ITPR1: variants seen among roughly 807,000 people sequenced by gnomAD.
The protein encoded by ITPR1 is inositol 1,4,5-trisphosphate-gated calcium channel ITPR1.
Under a neutral mutation model 318.4 loss-of-function variants are expected in ITPR1, and 96 were observed. That is an observed-to-expected ratio of 0.30 (90% CI 0.26 to 0.36). ITPR1 has a LOEUF of 0.36. Among genes scored for constraint, ITPR1 ranks in the 10% least tolerant of loss-of-function variants. The pLI is 1.00. For synonymous variants in ITPR1, 1,312 were observed against 1,289.9 expected, an observed-to-expected ratio of 1.02 and a Z score of -0.37; for missense variants, 2,440 against 3,460.2, an observed-to-expected ratio of 0.71 and a Z score of 7.40.
chr3:4,627,508 C>T (rs1244147420), intron 4 of ITPR1, among the ~76,000 whole-genome samples: 3 of 152,076 alleles, frequency 2.0e-5, no homozygotes, highest in Admixed American at 1.3e-4. Context: ...AAACACAAAA[C>T]ACTGAATTTG....
intron 24 of ITPR1, 24 bp downstream of exon 24, chr3:4,676,825 T>C: frequency 6.3e-7 from 1 of 1,583,980 alleles, no homozygotes; most frequent in Non-Finnish European, 8.6e-7. Flanking sequence ...GGAGCTGGGG[T>C]AGGGAGGGTA....
At chr3:4,657,704 T>A (rs963846783) in intron 12 of ITPR1, among the ~76,000 whole-genome samples, 2 of 12,310 alleles carry the variant, frequency 1.6e-4, no homozygotes, top group Non-Finnish European at 2.7e-4. Context: ...ACTGAGGTGA[T>A]CTGCCTGCCT....
At chr3:4,634,611 G>T (rs1553658456) in intron 5 of ITPR1, among the ~76,000 whole-genome samples, 3 of 151,918 alleles carry the variant, frequency 2.0e-5, no homozygotes, top group Admixed American at 6.6e-5. Context: ...CTGTGAGTAG[G>T]AAAAGCAAAA....
chr3:4,795,954 A>G (rs1447375474), intron 53 of ITPR1, among the ~76,000 whole-genome samples: 1 of 152,144 alleles, frequency 6.6e-6, no homozygotes, highest in Admixed American at 6.5e-5. Context: ...CTCCCGGCTA[A>G]ATTTTTCATC....
intron 11 of ITPR1, among the ~76,000 whole-genome samples, chr3:4,652,520 C>T (rs370860376): frequency 6.6e-6 from 1 of 152,146 alleles, no homozygotes; most frequent in African/African-American, 2.4e-5. Flanking sequence ...ACCCTCCCCA[C>T]GTCTTGTCTA....
At chr3:4,634,733 T>C (rs930294102) in intron 5 of ITPR1, among the ~76,000 whole-genome samples, 2 of 152,174 alleles carry the variant, frequency 1.3e-5, no homozygotes, top group Non-Finnish European at 2.9e-5. Context: ...GTCTCCACAT[T>C]TTAAAGTATC....
At chr3:4,536,279 T>C (rs2124963785) in intron 4 of ITPR1, among the ~76,000 whole-genome samples, 1 of 152,260 alleles carries the variant, frequency 6.6e-6, no homozygotes, top group East Asian at 1.9e-4. Context: ...ATTTCAGTTT[T>C]ATGATTTCAG....
chr3:4,616,503 T>C (rs1181246487), intron 4 of ITPR1, among the ~76,000 whole-genome samples: 1 of 152,224 alleles, frequency 6.6e-6, no homozygotes, highest in Non-Finnish European at 1.5e-5. Context: ...GGAAAAGATA[T>C]GAATGCTGAA....
Position 4,665,182 on chromosome 3 carries a change from C to T in ITPR1, c.1599C>T (p.Gly533=), listed in dbSNP as rs756138441. 16 of 1,613,994 alleles carry T rather than the reference C, an allele frequency of 9.9e-6. No individual in the cohort carries two copies. The East Asian group carries it at 3.3e-4, about 34-fold the overall frequency. The stretch of plus-strand genomic sequence containing the variant: ...CCCCATTCACAGACTGCGGTGATGG[C>T]CCAATGCTTCGGCTGGAAGAGCTCG... The part of the protein sequence containing the change: ...LQAPFTDCGD[G]PMLRLEELGD... Residue 533 remains glycine (G), a synonymous_variant, in exon 17 of 62, where the codon GGC becomes GGT. Coordinates refer to ENST00000649015, the MANE Select transcript of ITPR1 (RefSeq NM_001378452.1).
intron 11 of ITPR1, among the ~76,000 whole-genome samples, chr3:4,653,073 C>G (rs2093632446): frequency 6.6e-6 from 1 of 152,166 alleles, no homozygotes; most frequent in Non-Finnish European, 1.5e-5. Context: ...ATTTTTGTAT[C>G]AAATGAAGCA....
At chr3:4,592,799 C>T (rs368043623) in intron 4 of ITPR1, among the ~76,000 whole-genome samples, 6 of 152,188 alleles carry the variant, frequency 3.9e-5, no homozygotes, top group East Asian at 1.9e-4. Flanking sequence ...GAGGTCTTAG[C>T]ACTTAGATGC....
At chr3:4,580,743 G>A (rs1008781278) in intron 4 of ITPR1, among the ~76,000 whole-genome samples, 1 of 152,168 alleles carries the variant, frequency 6.6e-6, no homozygotes, top group Non-Finnish European at 1.5e-5. Context: ...TGAGCAAGCC[G>A]CAGAGGCTGT....
In ITPR1 at chr3:4,813,150, G is replaced by A. The variant is rs775129963; in HGVS notation, c.7477G>A (p.Glu2493Lys). ...PNETAVPETG[E>K]SLASEFLFSD... ...TTCCTTCTCTCTCCCAGAAACCGGC[G>A]AGAGTTTGGCAAGCGAGTTCCTGTT... is the stretch of plus-strand genomic sequence containing the variant. The change falls in exon 57 of 62, where the codon GAG becomes AAG. Residue 2493 changes from glutamate to lysine, a missense_variant. This residue lies in a region of ITPR1 where 88 missense variants were observed against 90.5 expected (regional missense o/e 0.97). Transcript: ENST00000649015. 82 of 1,613,812 alleles carry A rather than the reference G, an allele frequency of 5.1e-5. No homozygotes were observed. Among genetic ancestry groups the A allele is most frequent in the Non-Finnish European group, 6.4e-5 (75 of 1,179,858 alleles).
rs201937660 is a variant in ITPR1 at position 4,725,572 on chromosome 3, C to A, written c.5163C>A (p.Asn1721Lys). 992 of 1,599,016 alleles carry A rather than the reference C, an allele frequency of 6.2e-4. No individual in the cohort carries two copies. Among genetic ancestry groups the A allele is most frequent in the Non-Finnish European group, 6.4e-4 (760 of 1,179,548 alleles). ...TTCCTCCAGCTCCGGATTCTGAGAA[C>A]GCCACTGAGGTGTGTTGCCCGCCTA... ...AELPPAPDSE[N>K]ATEELEPSPP... The change falls in exon 41 of 62, where the codon AAC (asparagine) becomes AAA (lysine). Residue 1721 changes from asparagine to lysine, a missense_variant. Coordinates refer to ENST00000649015, the MANE Select transcript of ITPR1 (RefSeq NM_001378452.1).
intron 4 of ITPR1, among the ~76,000 whole-genome samples, chr3:4,529,278 C>G (rs1268497376): frequency 1.3e-5 from 2 of 152,156 alleles, no homozygotes; most frequent in African/African-American, 4.8e-5. Context: ...TAAAATGCTT[C>G]TAGTGCAATA....
intron 12 of ITPR1, among the ~76,000 whole-genome samples, chr3:4,654,810 G>A (rs1323444629): frequency 6.6e-6 from 1 of 152,212 alleles, no homozygotes; most frequent in Non-Finnish European, 1.5e-5. Context: ...GAATTCTGCT[G>A]TTATGGTTAT....
intron 40 of ITPR1, among the ~76,000 whole-genome samples, chr3:4,720,223 G>A (rs1291045928): frequency 6.6e-6 from 1 of 152,146 alleles, no homozygotes; most frequent in Non-Finnish European, 1.5e-5. Context: ...ACAGTTTTGT[G>A]GGGGGCAAAG....
chr3:4,781,577 C>T (rs1316510869), intron 49 of ITPR1, among the ~76,000 whole-genome samples: 2 of 152,134 alleles, frequency 1.3e-5, no homozygotes, highest in Admixed American at 6.5e-5. Context: ...CTCCGGGAGC[C>T]GAGTCGTGCG....
intron 4 of ITPR1, among the ~76,000 whole-genome samples, chr3:4,534,129 T>C (rs1483801579): frequency 6.6e-6 from 1 of 152,192 alleles, no homozygotes; most frequent in Non-Finnish European, 1.5e-5. Context: ...TCTCTTTTAA[T>C]AGATTTAGGG....
Sources: gnomAD v4.1 joint callset for allele counts (sites outside exome capture counted in the v4.1 genomes callset) on GRCh38, gnomAD v4.1.1 for gene constraint, gnomAD v4.1.1 regional missense constraint, MANE v1.5 for transcripts, NCBI Gene and HGNC (gene_info 2026-07-23, HGNC 2026-07-21) for gene names.